The following CTDSPL2 variants were observed in gnomAD, a reference collection of about 807,000 sequenced individuals.
The protein encoded by CTDSPL2 is CTD small phosphatase-like protein 2.
In CTDSPL2, 5 loss-of-function variants were observed where a neutral mutation model predicts 60.0. The ratio of observed to expected loss-of-function variants is 0.08; its 90% CI spans 0.04 to 0.18. The LOEUF is 0.18. CTDSPL2 is among the 10% of genes least tolerant of loss of function. The pLI, the probability that CTDSPL2 is intolerant of heterozygous loss-of-function variation, is 1.00. For missense variants in CTDSPL2, 370 were observed against 548.8 expected, an observed-to-expected ratio of 0.67 and a Z score of 3.26; for synonymous variants, 186 against 189.3, an observed-to-expected ratio of 0.98 and a Z score of 0.14.
rs566498329 is a variant in CTDSPL2, at chr15:44,474,904, A to C, written c.187-9320A>C. 1.1e-3 allele frequency among the ~76,000 whole-genome samples: 169 copies of C among 152,238 alleles called. 1 individual carries two copies. The highest frequency in any genetic ancestry group is 3.9e-3 in the African/African-American group (162 of 41,552). The stretch of plus-strand genomic sequence containing the variant: ...GTGCGTTGATTTGTCTTAAGGTACC[A>C]GTTACTATATACACCGTTGCTCTTG... On this transcript the variant is annotated intron_variant, in intron 2 of 12. Transcript: ENST00000260327.
rs1437087108 is a variant in CTDSPL2 at position 44,486,580 on chromosome 15, C to T, written c.355C>T (p.His119Tyr). 1 of 1,582,832 alleles carries T rather than the reference C, an allele frequency of 6.3e-7. No homozygotes were observed. The highest frequency in any genetic ancestry group is 8.6e-7 in the Non-Finnish European group (1 of 1,167,588). ...EAGSYEMTNQ[H>Y]VKQNGKLEDN... is the part of the protein sequence containing the mutation. ...TGGTAGTTATGAAATGACAAATCAACATGTAAAACAAAATGGAAAATTAGA... is the reference window on the plus strand; with the variant it reads ...TGGTAGTTATGAAATGACAAATCAATATGTAAAACAAAATGGAAAATTAGA... Residue 119 changes from histidine to tyrosine, a missense_variant, in exon 4 of 13, where the codon CAT becomes TAT. Physicochemically the swap from His to Tyr is moderately conservative, Grantham distance 83. Transcript: ENST00000260327.
intron 2 of CTDSPL2, among the ~76,000 whole-genome samples, chr15:44,459,497 C>T (rs2080519600): frequency 2.0e-5 from 3 of 152,128 alleles, no homozygotes; most frequent in South Asian, 4.1e-4. Flanking sequence ...CACTGCACTC[C>T]AACCTGGGCG....
At position 44,525,954 on chromosome 15, in the gene CTDSPL2, AT is replaced by A. The variant is rs1257037776; in HGVS notation, c.*1781del. On this transcript the variant is annotated 3_prime_UTR_variant, in exon 13 of 13. Coordinates refer to ENST00000260327, the MANE Select transcript of CTDSPL2 (RefSeq NM_016396.3). ...TGGAAAATCCTTATTCATTAAAAAAATAATCATGGCAGATTTTCTGCAAAAA... is the reference window on the plus strand; with the variant it reads ...TGGAAAATCCTTATTCATTAAAAAAAAATCATGGCAGATTTTCTGCAAAAA... 3.9e-5 allele frequency: 6 copies of A among 152,802 alleles called. No homozygotes were observed. The highest frequency in any genetic ancestry group is 7.3e-5 in the Non-Finnish European group (5 of 68,196). 9.5% of individuals were successfully genotyped at this position (152,802 alleles called of 1,614,324 possible).
intron 2 of CTDSPL2, among the ~76,000 whole-genome samples, chr15:44,462,863 G>A (rs540707211): frequency 1.3e-5 from 2 of 151,534 alleles, no homozygotes; most frequent in African/African-American, 4.8e-5. Flanking sequence ...GTGCCACCAT[G>A]CCCAGCTAAT....
intron 1 of CTDSPL2, among the ~76,000 whole-genome samples, chr15:44,445,332 C>T (rs973034086): frequency 1.7e-4 from 26 of 151,896 alleles, no homozygotes; most frequent in African/African-American, 6.3e-4. Flanking sequence ...GGACTATAGG[C>T]ATGCACCATC....
Position 44,505,658 on chromosome 15 carries a change from C to G in CTDSPL2, c.969+5845C>G, listed in dbSNP as rs192469203. The stretch of plus-strand genomic sequence containing the variant: ...CTGAGACGGGAGAATTGCTTGAACC[C>G]GGGAGGGAGAGGTTGCAGTGAGCCG... On this transcript the variant is annotated intron_variant, in intron 8 of 12. Coordinates refer to ENST00000260327, the MANE Select transcript of CTDSPL2 (RefSeq NM_016396.3). 2.0e-5 allele frequency among the ~76,000 whole-genome samples: 3 copies of G among 150,430 alleles called. No homozygotes were observed. The Admixed American group carries it at 2.0e-4, about 10-fold the overall frequency.
intron 2 of CTDSPL2, among the ~76,000 whole-genome samples, chr15:44,475,601 T>G (rs185859038): frequency 1.3e-5 from 2 of 148,930 alleles, no homozygotes; most frequent in Non-Finnish European, 3.0e-5. Context: ...ATCATGCCAC[T>G]GCACTCCAGC....
intron 12 of CTDSPL2, among the ~76,000 whole-genome samples, chr15:44,522,219 A>G (rs2081791727): frequency 6.6e-6 from 1 of 151,994 alleles, no homozygotes; most frequent in Non-Finnish European, 1.5e-5. Context: ...TTTTTTGTAG[A>G]GATGGGATTT....
intron 10 of CTDSPL2, among the ~76,000 whole-genome samples, chr15:44,517,835 T>C (rs1230068357): frequency 1.3e-5 from 2 of 152,316 alleles, no homozygotes; most frequent in East Asian, 3.9e-4. Flanking sequence ...AAACAGTGAA[T>C]CTTATTTAGG....
chr15:44,445,740 C>T (rs2080198299), intron 1 of CTDSPL2, among the ~76,000 whole-genome samples: 1 of 151,588 alleles, frequency 6.6e-6, no homozygotes, highest in South Asian at 2.1e-4. Context: ...CAGGTTCAAG[C>T]TGTTCTCCTG....
chr15:44,455,702 T>G (rs1373114373), intron 1 of CTDSPL2, among the ~76,000 whole-genome samples: 1 of 152,228 alleles, frequency 6.6e-6, no homozygotes, highest in African/African-American at 2.4e-5. Flanking sequence ...TCTTTGGTTC[T>G]GTTTATATGC....
In CTDSPL2 at chr15:44,427,811, C is replaced by T. The variant is rs1481245234; in HGVS notation, c.-25+39C>T. 3 of 398,060 alleles carry T rather than the reference C, an allele frequency of 7.5e-6. No homozygotes were observed. The Admixed American group carries it at 1.3e-4, about 18-fold the overall frequency. The allele number at this position is 398,060 out of a possible 1,614,324, so 24.7% of individuals were successfully genotyped here. ...TCCAGACGCCGCCGCTGCTTCCAAT[C>T]TCAGTCCTCCTCCTCTTCCAGGGCC... On this transcript the variant is annotated intron_variant, in intron 1 of 12. Coordinates refer to ENST00000260327, the MANE Select transcript of CTDSPL2 (RefSeq NM_016396.3).
chr15:44,512,238 C>A (rs549199430), intron 8 of CTDSPL2, among the ~76,000 whole-genome samples: 1 of 151,860 alleles, frequency 6.6e-6, no homozygotes, highest in Non-Finnish European at 1.5e-5. Context: ...TGAGCACTGA[C>A]ATGACGTTCA....
Position 44,526,387 on chromosome 15 carries a change from G to T in CTDSPL2, c.*2213G>T, listed in dbSNP as rs920298155. 3.3e-5 allele frequency: 5 copies of T among 152,122 alleles called. No individual in the cohort carries two copies. The highest frequency in any genetic ancestry group is 7.4e-5 in the Non-Finnish European group (5 of 67,984). 9.4% of individuals were successfully genotyped at this position (152,122 alleles called of 1,614,324 possible). A position where few individuals can be genotyped will look rare whatever the true frequency, so the allele number is the denominator to read the frequency against. ...TGTAAGCACCTATACTCTTGTGCCTGTGGGCACTTCAATAATAAAAACCAA... is the reference window on the plus strand; with the variant it reads ...TGTAAGCACCTATACTCTTGTGCCTTTGGGCACTTCAATAATAAAAACCAA... On this transcript the variant is annotated 3_prime_UTR_variant, in exon 13 of 13. Coordinates refer to ENST00000260327, the MANE Select transcript of CTDSPL2 (RefSeq NM_016396.3).
At chr15:44,506,025 C>CTTTTTTTTT (rs753896129) in intron 8 of CTDSPL2, among the ~76,000 whole-genome samples, 18 of 117,580 alleles carry the variant, frequency 1.5e-4, no homozygotes, top group African/African-American at 4.4e-4. Context: ...TCATTGGTAA[C>CTTTTTTTTT]TTTTTTTTTT....
intron 5 of CTDSPL2, 107 bp downstream of exon 5, chr15:44,491,106 C>A: frequency 3.8e-6 from 3 of 787,114 alleles, no homozygotes; most frequent in Non-Finnish European, 5.9e-6. Context: ...GGTTTTTCTT[C>A]CTGGAAGTTA....
chr15:44,466,740 C>T (rs1355509285), intron 2 of CTDSPL2, among the ~76,000 whole-genome samples: 7 of 150,472 alleles, frequency 4.7e-5, no homozygotes, highest in Non-Finnish European at 1.0e-4. Context: ...GTCAGGAGAT[C>T]GAGACCACAG....
At chr15:44,515,229 T>A (rs1284772819) in intron 10 of CTDSPL2, among the ~76,000 whole-genome samples, 2 of 152,196 alleles carry the variant, frequency 1.3e-5, no homozygotes, top group South Asian at 4.1e-4. Flanking sequence ...AATTATTTTT[T>A]AACAGAAAGG....
intron 8 of CTDSPL2, among the ~76,000 whole-genome samples, chr15:44,512,532 TG>T (rs1387547217): frequency 6.6e-6 from 1 of 152,158 alleles, no homozygotes; most frequent in Non-Finnish European, 1.5e-5. Flanking sequence ...AAGACTCAGT[TG>T]ATTAAAATGA....
Sources: gnomAD v4.1 joint callset for allele counts (sites outside exome capture counted in the v4.1 genomes callset) on GRCh38, gnomAD v4.1.1 for gene constraint, MANE v1.5 for transcripts, NCBI Gene and HGNC (gene_info 2026-07-23, HGNC 2026-07-21) for gene names.